ORC3: variants seen among roughly 807,000 people sequenced by gnomAD.
The protein encoded by ORC3 is origin recognition complex subunit 3.
Under a neutral mutation model 100.7 loss-of-function variants are expected in ORC3, and 78 were observed. That is an observed-to-expected ratio of 0.77 (90% CI 0.65 to 0.94). The LOEUF (loss-of-function observed/expected upper bound fraction) is 0.94. Ranked by LOEUF, ORC3 falls within the 40% of genes least tolerant of loss-of-function variation. The pLI is 0.00. For missense variants in ORC3, 789 were observed against 823.9 expected, an observed-to-expected ratio of 0.96 and a Z score of 0.52; for synonymous variants, 295 against 289.3, an observed-to-expected ratio of 1.02 and a Z score of -0.20.
rs1767700738 is a variant in ORC3, at chr6:87,634,932, TCTCTTCCC to T, written c.1274_1281del (p.Ser425Ter). The T allele has an allele frequency of 6.3e-7, 1 of 1,591,876 alleles. No homozygotes were observed. The highest frequency in any genetic ancestry group is 8.6e-7 in the Non-Finnish European group (1 of 1,159,952). Reference sequence around the variant, plus strand: ...GAGATGTCTTCATAAGTTCACCTCTTCTCTTCCCAAGTATCCACTAGGTCGACAGGTAA... The same window carrying T: ...GAGATGTCTTCATAAGTTCACCTCTTAAGTATCCACTAGGTCGACAGGTAA... On this transcript the variant is annotated frameshift_variant, in exon 12 of 20. Transcript: ENST00000392844. LOFTEE classifies it high-confidence loss of function.
At chr6:87,662,945 A>G in intron 16 of ORC3, 58 bp from the exon 17 acceptor site, 1 of 1,182,638 alleles carries the variant, frequency 8.5e-7, no homozygotes, top group Non-Finnish European at 1.1e-6. Flanking sequence ...TATATATTAT[A>G]TATAAAGAAA....
intron 7 of ORC3, among the ~76,000 whole-genome samples, chr6:87,610,774 C>T (rs1583033297): frequency 2.1e-5 from 3 of 144,302 alleles, no homozygotes; most frequent in East Asian, 2.0e-4. Flanking sequence ...AGGATGGTCT[C>T]GATCTCCTGA....
At chr6:87,672,965 T>C in the ORC3 span, among the ~76,000 whole-genome samples, 1 of 152,080 alleles carries the variant, frequency 6.6e-6, no homozygotes, top group Non-Finnish European at 1.5e-5. Context: ...TAGATACTTA[T>C]TACAAGCAAT....
chr6:87,618,341 G>A (rs1779303437), intron 9 of ORC3, among the ~76,000 whole-genome samples: 1 of 151,854 alleles, frequency 6.6e-6, no homozygotes, highest in Non-Finnish European at 1.5e-5. Context: ...CCTGGGAGGT[G>A]GAGGTTGTAG....
intron 1 of ORC3, among the ~76,000 whole-genome samples, chr6:87,594,076 C>CT (rs1387702065): frequency 2.0e-5 from 3 of 152,288 alleles, no homozygotes; most frequent in African/African-American, 7.2e-5. Flanking sequence ...CTTTTATTTT[C>CT]TTTGTCTACC....
chr6:87,636,326 G>T (rs911142247), intron 12 of ORC3, 81 bp from the exon 13 acceptor site: 3 of 765,100 alleles, frequency 3.9e-6, no homozygotes, highest in Admixed American at 2.3e-5. Flanking sequence ...AATTTTTTTT[G>T]TGTTGACCAG....
chr6:87,665,709 C>T lies in ORC3; in HGVS notation c.1951-45C>T, dbSNP rs776623378. On this transcript the variant is annotated intron_variant, in intron 18 of 19. Transcript: ENST00000392844. ...AAGAAGTATAGTAAAAGATGTTTGG[C>T]AACTGTAGACATTTTTATTTTCTTC... The T allele has an allele frequency of 1.7e-5, 19 of 1,135,176 alleles. 1 individual carries two copies. The Admixed American group carries it at 3.5e-4, about 21-fold the overall frequency. The allele number at this position is 1,135,176 out of a possible 1,614,324, so 70.3% of individuals were successfully genotyped here.
chr6:87,665,272 A>G (rs931939468), intron 18 of ORC3, among the ~76,000 whole-genome samples: 8 of 152,254 alleles, frequency 5.3e-5, no homozygotes, highest in African/African-American at 1.7e-4. Context: ...AGATTTAGCA[A>G]TCAGGAAGTA....
At chr6:87,594,864 C>G (rs1777317589) in intron 2 of ORC3, among the ~76,000 whole-genome samples, 1 of 151,780 alleles carries the variant, frequency 6.6e-6, no homozygotes. Context: ...TAAGGAAAAC[C>G]TAAGAAAGAA....
At chr6:87,594,706 C>T (rs1777302639) in intron 2 of ORC3, 1 of 322,350 alleles carries the variant, frequency 3.1e-6, no homozygotes, top group African/African-American at 2.2e-5. Flanking sequence ...GTTTTTTTAT[C>T]TACAACTTTA....
At chr6:87,610,372 C>T (rs191584138) in intron 7 of ORC3, among the ~76,000 whole-genome samples, 205 of 151,638 alleles carry the variant, frequency 1.4e-3, no homozygotes, top group African/African-American at 4.9e-3. Context: ...CCACGCCTAG[C>T]TAATTTTTGT....
In ORC3 at chr6:87,638,927, A is replaced by T. The variant is rs112661065; in HGVS notation, c.1382+2441A>T. Among the ~76,000 whole-genome samples, 656 of 151,974 alleles carry T rather than the reference A, an allele frequency of 4.3e-3. 3 individuals are homozygous for T. Among genetic ancestry groups the T allele is most frequent in the African/African-American group, 0.015 (630 of 41,452 alleles). ...GTCAGTAATGATGGGGATACCAAGC[A>T]ACTACAGATTGATTGTCCATCTAGT... On this transcript the variant is annotated intron_variant, in intron 13 of 19. Transcript: ENST00000392844.
At chr6:87,592,867 A>T (rs1024703928) in intron 1 of ORC3, among the ~76,000 whole-genome samples, 1 of 152,034 alleles carries the variant, frequency 6.6e-6, no homozygotes, top group African/African-American at 2.4e-5. Context: ...GCCGAGGCGG[A>T]TGGATCACGA....
intron 1 of ORC3, among the ~76,000 whole-genome samples, chr6:87,593,726 G>A (rs1174487811): frequency 6.6e-6 from 1 of 152,106 alleles, no homozygotes. Context: ...ACAGAGCTTC[G>A]CTCTTTGTTG....
intron 1 of ORC3, among the ~76,000 whole-genome samples, chr6:87,592,381 A>C (rs1042342121): frequency 5.3e-5 from 8 of 152,294 alleles, no homozygotes; most frequent in Non-Finnish European, 1.2e-4. Context: ...CTGTAATCCC[A>C]ACACTTTGGG....
intron 13 of ORC3, 88 bp downstream of exon 13, chr6:87,636,574 A>G: frequency 2.6e-6 from 2 of 760,508 alleles, no homozygotes; most frequent in Admixed American, 2.1e-5. Flanking sequence ...TGCCTGCCAA[A>G]AAGTTTCATA....
At chr6:87,592,797 A>G (rs1301496682) in intron 1 of ORC3, among the ~76,000 whole-genome samples, 1 of 151,780 alleles carries the variant, frequency 6.6e-6, no homozygotes, top group Non-Finnish European at 1.5e-5. Flanking sequence ...GAAATATTTA[A>G]GAAGTTATCC....
At chr6:87,648,244 C>T (rs1583139401) in intron 13 of ORC3, among the ~76,000 whole-genome samples, 1 of 152,140 alleles carries the variant, frequency 6.6e-6, no homozygotes, top group Middle Eastern at 3.4e-3. Flanking sequence ...AAAAAAAGTG[C>T]TTGCTATAGT....
rs1776627916 is a variant in ORC3 at position 87,590,141 on chromosome 6, A to G, written c.-28A>G. 3.1e-6 allele frequency: 5 copies of G among 1,613,906 alleles called. No individual in the cohort carries two copies. In the South Asian group the frequency reaches 3.3e-5, roughly 11 times the overall value. Reference sequence around the variant, plus strand: ...AGGGCGCGCGGGAAATCCCGAGTGCATCTGGAATACGCAGAGTCAGTAAGA... The same window carrying G: ...AGGGCGCGCGGGAAATCCCGAGTGCGTCTGGAATACGCAGAGTCAGTAAGA... On this transcript the variant is annotated 5_prime_UTR_variant, in exon 1 of 20. Coordinates refer to ENST00000392844, the MANE Select transcript of ORC3 (RefSeq NM_012381.4).
Sources: gnomAD v4.1 joint callset for allele counts (sites outside exome capture counted in the v4.1 genomes callset) on GRCh38, gnomAD v4.1.1 for gene constraint, MANE v1.5 for transcripts, NCBI Gene and HGNC (gene_info 2026-07-23, HGNC 2026-07-21) for gene names.